The following FGF13 variants were observed in gnomAD, a reference collection of about 807,000 sequenced individuals.
FGF13 encodes the protein fibroblast growth factor homologous factor 2.
Under a neutral mutation model 19.5 loss-of-function variants are expected in FGF13, and 2 were observed. The ratio of observed to expected loss-of-function variants is 0.10; its 90% CI spans 0.04 to 0.32. FGF13 has a LOEUF of 0.32. Among genes scored for constraint, FGF13 ranks in the 10% least tolerant of loss-of-function variants. The probability of loss-of-function intolerance (pLI) is 1.00; values close to 1 mark genes in which losing one functional copy is unlikely to be tolerated. For missense variants in FGF13, 113 were observed against 192.7 expected, an observed-to-expected ratio of 0.59 and a Z score of 2.45; for synonymous variants, 72 against 76.9, an observed-to-expected ratio of 0.94 and a Z score of 0.33.
chrX:139,126,958 G>A (rs759242696), intron 1 of FGF13, among the ~76,000 whole-genome samples: 4 of 111,193 alleles, frequency 3.6e-5, no homozygotes, highest in Non-Finnish European at 7.5e-5. Flanking sequence ...CCCAACTCGC[G>A]ACACCACAAC....
intron 3 of FGF13, among the ~76,000 whole-genome samples, chrX:138,817,028 T>C (rs1377130865): frequency 8.9e-6 from 1 of 112,455 alleles, no homozygotes; most frequent in Admixed American, 9.4e-5. Context: ...TTAATCACAC[T>C]GTTGTAGTCC....
intron 1 of FGF13, among the ~76,000 whole-genome samples, chrX:139,103,192 T>C (rs1208355806): frequency 1.8e-5 from 2 of 112,318 alleles, no homozygotes; most frequent in African/African-American, 6.5e-5. Context: ...AGCTGTACTT[T>C]CAGAAAATTA....
chrX:138,715,621 G>T (rs1472839567), upstream of FGF13, among the ~76,000 whole-genome samples: 1 of 111,916 alleles, frequency 8.9e-6, no homozygotes, highest in Non-Finnish European at 1.9e-5. Context: ...AGTCCTTTTG[G>T]CTCTGGGAGC....
At position 138,626,232 on chromosome X, in the gene FGF13, A is replaced by G. The variant is rs1220224329; in HGVS notation, c.*6618T>C. On this transcript the variant is annotated 3_prime_UTR_variant, in exon 5 of 5. Transcript: ENST00000315930. Reference sequence around the variant, plus strand: ...AAAGATTGCTCCTTTCCCAGACATCACTTGCATACCAGGGGCTCTGCCCCT... The same window carrying G: ...AAAGATTGCTCCTTTCCCAGACATCGCTTGCATACCAGGGGCTCTGCCCCT... The G allele has an allele frequency of 1.8e-5, 2 of 111,993 alleles. No homozygotes were observed. Among genetic ancestry groups the G allele is most frequent in the Non-Finnish European group, 3.8e-5 (2 of 53,192 alleles). 9.2% of individuals were successfully genotyped at this position (111,993 alleles called of 1,213,427 possible). A position where few individuals can be genotyped will look rare whatever the true frequency, so the allele number is the denominator to read the frequency against.
At chrX:139,078,133 TGAGA>T (rs770035034) in intron 1 of FGF13, among the ~76,000 whole-genome samples, 1 of 110,045 alleles carries the variant, frequency 9.1e-6, no homozygotes, top group African/African-American at 3.3e-5. Context: ...ATGATTTAAA[TGAGA>T]GAGAGAGAAA....
At chrX:139,129,146 TACACACATACACAC>T (rs1333280886) in intron 1 of FGF13, among the ~76,000 whole-genome samples, 2 of 83,617 alleles carry the variant, frequency 2.4e-5, no homozygotes, top group Admixed American at 1.2e-4. Context: ...TACACATACA[TACACACATACACAC>T]ACACACACAC....
rs1422761918 is a variant in FGF13 at position 138,616,173 on chromosome X, A to C, written c.*16677T>G. 1 of 112,200 alleles carries C rather than the reference A, an allele frequency of 8.9e-6. No homozygotes were observed. Among genetic ancestry groups the C allele is most frequent in the Non-Finnish European group, 1.9e-5 (1 of 53,310 alleles). 9.2% of individuals were successfully genotyped at this position (112,200 alleles called of 1,213,427 possible). A position where few individuals can be genotyped will look rare whatever the true frequency, so the allele number is the denominator to read the frequency against. ...CATTAACCCAGAAGTCCAAGTCCAA[A>C]GTCTCATCTGAGACAAAGCAAGTCC... is the stretch of plus-strand genomic sequence containing the variant. On this transcript the variant is annotated 3_prime_UTR_variant, in exon 5 of 5. Coordinates refer to ENST00000315930, the MANE Select transcript of FGF13 (RefSeq NM_004114.5).
chrX:139,055,133 A>C (rs1603164706), intron 1 of FGF13, among the ~76,000 whole-genome samples: 3 of 111,288 alleles, frequency 2.7e-5, no homozygotes, highest in South Asian at 7.6e-4. Context: ...CAGCAGTGAC[A>C]GTCTGACTAC....
chrX:139,195,220 G>A lies in FGF13; in HGVS notation c.-113+8196C>T, dbSNP rs187134166. On this transcript the variant is annotated intron_variant, in intron 1 of 2. Coordinates refer to the FGF13 transcript ENST00000421460. ...GAAAAACAAATGTTCCCCGGAATGA[G>A]AGCATCTAGGAGCACCTTGTCCTGT... Among the ~76,000 whole-genome samples, 3 of 111,588 alleles carry A rather than the reference G, an allele frequency of 2.7e-5. No individual in the cohort carries two copies. In the Admixed American group the frequency reaches 2.8e-4, roughly 11 times the overall value.
In FGF13 at chrX:138,786,733, C is replaced by T. The variant is rs1270532578; in HGVS notation, c.217+70779G>A. Among the ~76,000 whole-genome samples, 3 of 111,985 alleles carry T rather than the reference C, an allele frequency of 2.7e-5. No homozygotes were observed. In the Admixed American group the frequency reaches 2.8e-4, roughly 11 times the overall value. ...CTTTTTGGCCTCTCGACTTCAGGTC[C>T]CATGTAGATCTGCTAATAACTAGTG... On this transcript the variant is annotated intron_variant, in intron 3 of 6. Transcript: ENST00000436198.
chrX:138,771,617 A>T (rs1213487732), intron 3 of FGF13, among the ~76,000 whole-genome samples: 1 of 110,893 alleles, frequency 9.0e-6, no homozygotes, highest in African/African-American at 3.3e-5. Context: ...CTCCAGAAAA[A>T]GGTATATTTG....
chrX:138,876,996 T>C (rs1197654503), intron 1 of FGF13, among the ~76,000 whole-genome samples: 1 of 112,361 alleles, frequency 8.9e-6, no homozygotes, highest in Non-Finnish European at 1.9e-5. Context: ...AAATATGAAA[T>C]ATAAAAGCTT....
intron 1 of FGF13, among the ~76,000 whole-genome samples, chrX:139,171,725 A>T (rs138195213): frequency 0.013 from 1,516 of 112,591 alleles, 12 homozygotes; most frequent in Non-Finnish European, 0.022. Flanking sequence ...CAGCTTCCTG[A>T]GTAGGCCTGA....
intron 1 of FGF13, among the ~76,000 whole-genome samples, chrX:139,035,945 G>T (rs2124398813): frequency 8.9e-6 from 1 of 111,964 alleles, no homozygotes; most frequent in South Asian, 3.8e-4. Flanking sequence ...AATTTCAGAT[G>T]ATTTATTTAA....
chrX:139,030,207 A>G (rs899065629), intron 1 of FGF13, among the ~76,000 whole-genome samples: 6 of 111,238 alleles, frequency 5.4e-5, no homozygotes, highest in East Asian at 2.9e-4. Flanking sequence ...AAAGAGTCCA[A>G]TGGGAAAGAT....
chrX:138,985,140 G>A (rs1031491565), intron 1 of FGF13: 2 of 336,652 alleles, frequency 5.9e-6, no homozygotes, highest in African/African-American at 5.2e-5. Flanking sequence ...AGGCCTATGT[G>A]GAAGGAAAAG....
chrX:138,966,819 T>C (rs144977135), intron 1 of FGF13, among the ~76,000 whole-genome samples: 2,222 of 111,456 alleles, frequency 0.02, 63 homozygotes, highest in African/African-American at 0.069. Context: ...TGTAATAATC[T>C]TCTTCTGTCA....
chrX:139,088,429 T>C (rs750420380), intron 1 of FGF13, among the ~76,000 whole-genome samples: 7 of 110,742 alleles, frequency 6.3e-5, no homozygotes, highest in Non-Finnish European at 1.3e-4. Flanking sequence ...ATAATCAATT[T>C]TGAACCAAGG....
At chrX:139,082,452 T>A (rs1270775977) in intron 1 of FGF13, among the ~76,000 whole-genome samples, 1 of 111,730 alleles carries the variant, frequency 9.0e-6, no homozygotes, top group Admixed American at 9.6e-5. Context: ...TCAGAGGTAA[T>A]CAAATTAAAT....
Sources: gnomAD v4.1 joint callset for allele counts (sites outside exome capture counted in the v4.1 genomes callset) on GRCh38, gnomAD v4.1.1 for gene constraint, MANE v1.5 for transcripts, NCBI Gene and HGNC (gene_info 2026-07-23, HGNC 2026-07-21) for gene names.